The following TAFA2 variants were observed in gnomAD, a reference collection of about 807,000 sequenced individuals.
The protein encoded by TAFA2 is TAFA chemokine like family member 2.
Under a neutral mutation model 18.8 loss-of-function variants are expected in TAFA2, and 7 were observed. That is an observed-to-expected ratio of 0.37 (90% CI 0.21 to 0.70). The LOEUF is 0.70. Among genes scored for constraint, TAFA2 ranks in the 30% least tolerant of loss-of-function variants. The pLI, the probability that TAFA2 is intolerant of heterozygous loss-of-function variation, is 0.53. For missense variants in TAFA2, 122 were observed against 158.1 expected, an observed-to-expected ratio of 0.77 and a Z score of 1.23; for synonymous variants, 60 against 54.2, an observed-to-expected ratio of 1.11 and a Z score of -0.47.
At chr12:61,951,085 G>A (rs1015640344) in intron 1 of TAFA2, among the ~76,000 whole-genome samples, 2 of 151,982 alleles carry the variant, frequency 1.3e-5, no homozygotes, top group African/African-American at 4.8e-5. Flanking sequence ...GGTAGTTCCA[G>A]AGACGAAAAA....
intron 1 of TAFA2, among the ~76,000 whole-genome samples, chr12:62,050,568 T>C (rs1023404891): frequency 4.0e-5 from 6 of 149,646 alleles, no homozygotes; most frequent in African/African-American, 1.5e-4. Context: ...TGAGACTCTG[T>C]CTCAAAAAAA....
At chr12:62,220,275 A>T (rs2062755221) in intron 1 of TAFA2, among the ~76,000 whole-genome samples, 1 of 152,138 alleles carries the variant, frequency 6.6e-6, no homozygotes, top group Non-Finnish European at 1.5e-5. Flanking sequence ...AAAAAACTAC[A>T]AATTAATAAA....
At chr12:62,163,088 A>C (rs2136932245) in intron 1 of TAFA2, among the ~76,000 whole-genome samples, 1 of 152,176 alleles carries the variant, frequency 6.6e-6, no homozygotes, top group East Asian at 1.9e-4. Flanking sequence ...GGAAGACAAA[A>C]CCAGTAATGG....
At chr12:61,837,341 C>T (rs1872976392) in intron 2 of TAFA2, among the ~76,000 whole-genome samples, 1 of 151,950 alleles carries the variant, frequency 6.6e-6, no homozygotes, top group Non-Finnish European at 1.5e-5. Flanking sequence ...CTTCTCCACT[C>T]TTTAACACCT....
intron 1 of TAFA2, among the ~76,000 whole-genome samples, chr12:61,994,592 C>G (rs1398576681): frequency 6.6e-6 from 1 of 152,084 alleles, no homozygotes; most frequent in Non-Finnish European, 1.5e-5. Flanking sequence ...ATTCTTCAGT[C>G]CATTCTAATC....
At chr12:61,855,205 G>C (rs1565657586) in intron 2 of TAFA2, among the ~76,000 whole-genome samples, 2 of 152,098 alleles carry the variant, frequency 1.3e-5, no homozygotes, top group South Asian at 2.1e-4. Context: ...GAGATATTCT[G>C]CCTGACTCAG....
intron 1 of TAFA2, chr12:61,879,453 C>T (rs1307396296): frequency 2.9e-6 from 2 of 691,110 alleles, no homozygotes; most frequent in Non-Finnish European, 5.3e-6. Flanking sequence ...GCAGCAGCAG[C>T]TTCCAGGGTG....
chr12:61,988,892 C>A (rs1879905623), intron 1 of TAFA2, among the ~76,000 whole-genome samples: 1 of 152,120 alleles, frequency 6.6e-6, no homozygotes, highest in Admixed American at 6.6e-5. Context: ...CTTAGGGATA[C>A]AATTTTCATC....
chr12:62,241,469 TTA>T (rs1307148264), intron 1 of TAFA2, among the ~76,000 whole-genome samples: 3 of 152,220 alleles, frequency 2.0e-5, no homozygotes, highest in African/African-American at 7.2e-5. Flanking sequence ...CAGTCTGAAT[TTA>T]TAAGTACTAT....
intron 4 of TAFA2, among the ~76,000 whole-genome samples, chr12:61,752,203 C>A (rs1869052458): frequency 6.6e-6 from 1 of 151,922 alleles, no homozygotes; most frequent in Non-Finnish European, 1.5e-5. Context: ...ATTAAGTGAG[C>A]TAACTCATGT....
intron 1 of TAFA2, among the ~76,000 whole-genome samples, chr12:62,165,604 A>G (rs1482700756): frequency 6.6e-6 from 1 of 152,112 alleles, no homozygotes; most frequent in Non-Finnish European, 1.5e-5. Context: ...CTTTACTTTC[A>G]TGGTGTAACA....
chr12:62,033,123 A>G (rs1026317933), intron 1 of TAFA2, among the ~76,000 whole-genome samples: 1 of 152,180 alleles, frequency 6.6e-6, no homozygotes, highest in South Asian at 2.1e-4. Flanking sequence ...AGGGAGCAGA[A>G]TGACACTCAA....
chr12:61,816,101 G>T (rs11833566), intron 2 of TAFA2, among the ~76,000 whole-genome samples: 2,805 of 151,314 alleles, frequency 0.019, 216 homozygotes, highest in African/African-American at 0.064. Flanking sequence ...GGGGTTTGTT[G>T]TACAGATTAT....
At chr12:62,096,591 T>C (rs1868962098) in intron 1 of TAFA2, among the ~76,000 whole-genome samples, 1 of 152,164 alleles carries the variant, frequency 6.6e-6, no homozygotes, top group Non-Finnish European at 1.5e-5. Flanking sequence ...TTCTAAGTAT[T>C]TCCAGAATAA....
chr12:61,918,277 C>G (rs1232430408), intron 1 of TAFA2, among the ~76,000 whole-genome samples: 1 of 152,070 alleles, frequency 6.6e-6, no homozygotes, highest in East Asian at 1.9e-4. Flanking sequence ...TTTTTGTTCT[C>G]ATTAACCATC....
At chr12:61,798,434 T>A (rs1871277280) in intron 2 of TAFA2, among the ~76,000 whole-genome samples, 1 of 152,184 alleles carries the variant, frequency 6.6e-6, no homozygotes, top group Non-Finnish European at 1.5e-5. Flanking sequence ...CCATTTTTAG[T>A]GTACACTTCA....
intron 1 of TAFA2, among the ~76,000 whole-genome samples, chr12:62,129,470 G>A (rs1165012568): frequency 1.3e-5 from 2 of 151,898 alleles, no homozygotes; most frequent in African/African-American, 4.8e-5. Flanking sequence ...TACCCATCTG[G>A]CAATCAGGAA....
intron 1 of TAFA2, among the ~76,000 whole-genome samples, chr12:62,135,419 G>C (rs976694430): frequency 6.6e-6 from 1 of 152,026 alleles, no homozygotes; most frequent in African/African-American, 2.4e-5. Context: ...GGCATCGCAA[G>C]ATTGCCATCA....
At chr12:62,005,879 T>C (rs1454435953) in intron 1 of TAFA2, among the ~76,000 whole-genome samples, 3 of 152,138 alleles carry the variant, frequency 2.0e-5, no homozygotes, top group Admixed American at 6.6e-5. Context: ...TGAAAAAACA[T>C]GTCTGAGAAA....
Sources: allele counts gnomAD v4.1 joint callset (sites outside exome capture counted in the v4.1 genomes callset), GRCh38; gene constraint gnomAD v4.1.1; transcripts MANE v1.5; gene names NCBI Gene and HGNC (gene_info 2026-07-23, HGNC 2026-07-21).